Variants in MTFR1 observed in about 807,000 individuals in gnomAD.
MTFR1 encodes chondrocyte protein with a poly-proline region.
Under a neutral mutation model 38.8 loss-of-function variants are expected in MTFR1, and 28 were observed. The observed-to-expected ratio is 0.72, with a 90% confidence interval of 0.53 to 0.99. The LOEUF (loss-of-function observed/expected upper bound fraction) is 0.99. Ranked by LOEUF, MTFR1 falls within the 50% of genes least tolerant of loss-of-function variation. The probability of loss-of-function intolerance (pLI) is 0.00; values close to 1 mark genes in which losing one functional copy is unlikely to be tolerated. For synonymous variants in MTFR1, 145 were observed against 137.0 expected, an observed-to-expected ratio of 1.06 and a Z score of -0.41; for missense variants, 358 against 395.5, an observed-to-expected ratio of 0.91 and a Z score of 0.81.
At chr8:65,771,487 G>T (rs570303745), downstream of MTFR1, among the ~76,000 whole-genome samples, 1 of 151,936 alleles carries the variant, frequency 6.6e-6, no homozygotes, top group Non-Finnish European at 1.5e-5. Flanking sequence ...TGTTGATATC[G>T]ATCTCCCTCT....
At chr8:65,673,918 G>A (rs1315095780) in intron 2 of MTFR1, among the ~76,000 whole-genome samples, 1 of 152,038 alleles carries the variant, frequency 6.6e-6, no homozygotes, top group Admixed American at 6.6e-5. Flanking sequence ...AAAAAAAATA[G>A]TAATGCATAA....
chr8:65,682,069 A>C (rs550018190), intron 2 of MTFR1: 30 of 170,342 alleles, frequency 1.8e-4, no homozygotes, highest in Admixed American at 4.4e-4. Flanking sequence ...TGATGAAAAT[A>C]AAATTTTTAC....
chr8:65,749,405 T>C (rs1807830766), intron 3 of MTFR1, among the ~76,000 whole-genome samples: 1 of 152,212 alleles, frequency 6.6e-6, no homozygotes, highest in Non-Finnish European at 1.5e-5. Context: ...GATTTACTTC[T>C]CCCATTTTTC....
At chr8:65,757,974 AT>A (rs529334882) in intron 3 of MTFR1, among the ~76,000 whole-genome samples, 169 of 152,282 alleles carry the variant, frequency 1.1e-3, no homozygotes, top group African/African-American at 3.8e-3. Context: ...CCACTTACTC[AT>A]TTATTTACCC....
At chr8:65,768,736 G>A (rs533483819) in intron 3 of MTFR1, among the ~76,000 whole-genome samples, 2 of 152,290 alleles carry the variant, frequency 1.3e-5, no homozygotes, top group African/African-American at 4.8e-5. Flanking sequence ...ATCCTAAAGT[G>A]ATGTTAACAA....
At chr8:65,664,021 G>T (rs1238621134) in intron 1 of MTFR1, among the ~76,000 whole-genome samples, 1 of 151,750 alleles carries the variant, frequency 6.6e-6, no homozygotes, top group Non-Finnish European at 1.5e-5. Flanking sequence ...TCGCCATGTT[G>T]GCCAGGCTGG....
At chr8:65,673,689 G>A (rs922529550) in intron 2 of MTFR1, among the ~76,000 whole-genome samples, 1 of 151,758 alleles carries the variant, frequency 6.6e-6, no homozygotes, top group Admixed American at 6.6e-5. Context: ...GGATCACAAG[G>A]TCAGGAGTTC....
At chr8:65,767,208 A>G (rs1281666306) in intron 3 of MTFR1, among the ~76,000 whole-genome samples, 3 of 152,244 alleles carry the variant, frequency 2.0e-5, no homozygotes, top group Non-Finnish European at 4.4e-5. Flanking sequence ...CAAAGAGGTT[A>G]AACATGAAGC....
At chr8:65,737,305 G>T (rs186689348) in intron 3 of MTFR1, among the ~76,000 whole-genome samples, 1 of 151,948 alleles carries the variant, frequency 6.6e-6, no homozygotes, top group Non-Finnish European at 1.5e-5. Flanking sequence ...AGGATGAAGG[G>T]ATAAACAGCC....
At chr8:65,668,759 C>T (rs982337669) in intron 1 of MTFR1, among the ~76,000 whole-genome samples, 5 of 152,158 alleles carry the variant, frequency 3.3e-5, no homozygotes, top group Admixed American at 1.3e-4. Flanking sequence ...AGCAATCCGC[C>T]TCCCTTGGCA....
At chr8:65,686,648 CG>C (rs71561267) in intron 3 of MTFR1, among the ~76,000 whole-genome samples, 1 of 148,326 alleles carries the variant, frequency 6.7e-6, no homozygotes, top group Non-Finnish European at 1.5e-5. Context: ...TGGCTGGGCA[CG>C]GGGTGGCTCA....
intron 3 of MTFR1, among the ~76,000 whole-genome samples, chr8:65,766,001 A>G (rs2128917423): frequency 6.6e-6 from 1 of 152,346 alleles, no homozygotes; most frequent in East Asian, 1.9e-4. Flanking sequence ...GCTGGAGTGC[A>G]GTGGCACTAT....
At chr8:65,699,345 AG>A (rs1805543999) in intron 4 of MTFR1, among the ~76,000 whole-genome samples, 2 of 152,162 alleles carry the variant, frequency 1.3e-5, no homozygotes, top group Admixed American at 6.5e-5. Flanking sequence ...ATTTTCCTTT[AG>A]GTATATACCC....
rs1030313236 is a variant in MTFR1 at position 65,719,113 on chromosome 8, G to C, written c.382-267G>C. 13 of 599,724 alleles carry C rather than the reference G, an allele frequency of 2.2e-5. No individual in the cohort carries two copies. In the African/African-American group the frequency reaches 2.4e-4, roughly 11 times the overall value. The allele number at this position is 599,724 out of a possible 1,614,324, so 37.2% of individuals were successfully genotyped here. ...TCATATTGCTGTATGTTCGGGTCTT[G>C]CAATTAACAAGTGGGTTCAAATGAT... On this transcript the variant is annotated intron_variant, in intron 2 of 3. Coordinates refer to the MTFR1 transcript ENST00000521247.
At chr8:65,644,593 A>C (rs1424546453), upstream of MTFR1, 1 of 152,256 alleles carries the variant, frequency 6.6e-6, no homozygotes, top group East Asian at 1.9e-4. Flanking sequence ...GACTCTCAGC[A>C]GCCGGCTTGC....
Position 65,704,693 on chromosome 8 carries a change from G to C in MTFR1, c.282-1G>C. 1.9e-6 allele frequency: 3 copies of C among 1,613,690 alleles called. No homozygotes were observed. The highest frequency in any genetic ancestry group is 2.5e-6 in the Non-Finnish European group (3 of 1,179,658). On this transcript the variant is annotated splice_acceptor_variant, in intron 4 of 7. Transcript: ENST00000262146. LOFTEE classifies it high-confidence loss of function. Reference sequence around the variant, plus strand: ...CAGCCCACCTTATGTCTTCCTTGCAGGACAGAGGTCAGATCAAGGCCACCC... The same window carrying C: ...CAGCCCACCTTATGTCTTCCTTGCACGACAGAGGTCAGATCAAGGCCACCC...
chr8:65,691,459 T>G (rs1805274824), intron 3 of MTFR1, among the ~76,000 whole-genome samples: 1 of 151,828 alleles, frequency 6.6e-6, no homozygotes, highest in Admixed American at 6.6e-5. Flanking sequence ...AGCTAATTAT[T>G]TTGTATTTTT....
intron 3 of MTFR1, among the ~76,000 whole-genome samples, chr8:65,689,300 G>T (rs1805199552): frequency 6.6e-6 from 1 of 152,204 alleles, no homozygotes; most frequent in Admixed American, 6.5e-5. Flanking sequence ...AGAGGATGAA[G>T]TTAGTACTTC....
intron 4 of MTFR1, among the ~76,000 whole-genome samples, chr8:65,699,360 A>G (rs1478923866): frequency 6.6e-6 from 1 of 152,228 alleles, no homozygotes; most frequent in African/African-American, 2.4e-5. Context: ...TATACCCAAT[A>G]GAGGGATTGC....
Sources: allele counts gnomAD v4.1 joint callset (sites outside exome capture counted in the v4.1 genomes callset), GRCh38; gene constraint gnomAD v4.1.1; transcripts MANE v1.5; gene names NCBI Gene and HGNC (gene_info 2026-07-23, HGNC 2026-07-21).